Variants in BTBD9 observed in about 807,000 individuals in gnomAD.
BTBD9 encodes the protein BTB domain containing 9.
Under a neutral mutation model 64.3 loss-of-function variants are expected in BTBD9, and 49 were observed. The ratio of observed to expected loss-of-function variants is 0.76; its 90% CI spans 0.61 to 0.97. The LOEUF is 0.97. Among genes scored for constraint, BTBD9 ranks in the 50% least tolerant of loss-of-function variants. The probability of loss-of-function intolerance (pLI) is 0.00; values close to 1 mark genes in which losing one functional copy is unlikely to be tolerated. For missense variants in BTBD9, 598 were observed against 762.1 expected (o/e 0.78, Z 2.53); for synonymous variants, 260 against 274.7 (o/e 0.95, Z 0.53).
rs1392886105 is a variant in BTBD9, at chr6:38,425,117, T to C, written c.1155-80024A>G. ...AGGTGTGAGCCACCGTGCCCGGCCT[T>C]TTTTTTTTTTTTTGAGTGAGAGTCT... On this transcript the variant is annotated intron_variant, in intron 6 of 10. Coordinates refer to ENST00000481247, the MANE Select transcript of BTBD9 (RefSeq NM_001099272.2). Among the ~76,000 whole-genome samples the C allele has an allele frequency of 1.2e-4, 5 of 40,640 alleles. No individual in the cohort carries two copies. The East Asian group carries it at 3.0e-3, about 25-fold the overall frequency. 26.7% of individuals were successfully genotyped at this position (40,640 alleles called of 152,430 possible).
At chr6:38,573,766 C>A (rs1356775900) in intron 6 of BTBD9, among the ~76,000 whole-genome samples, 1 of 152,116 alleles carries the variant, frequency 6.6e-6, no homozygotes, top group Non-Finnish European at 1.5e-5. Flanking sequence ...GCCAAATTAA[C>A]AGCACCATGT....
chr6:38,176,263 G>T (rs1761243935), intron 10 of BTBD9, among the ~76,000 whole-genome samples: 1 of 152,236 alleles, frequency 6.6e-6, no homozygotes, highest in South Asian at 2.1e-4. Context: ...GACAAATGTA[G>T]TATCAACTGC....
At chr6:38,495,638 G>A (rs1362108741) in intron 6 of BTBD9, among the ~76,000 whole-genome samples, 1 of 152,116 alleles carries the variant, frequency 6.6e-6, no homozygotes, top group African/African-American at 2.4e-5. Flanking sequence ...ATACATAATC[G>A]TATTACTTAA....
intron 6 of BTBD9, among the ~76,000 whole-genome samples, chr6:38,383,434 T>C (rs1481972544): frequency 1.3e-5 from 2 of 152,180 alleles, no homozygotes; most frequent in African/African-American, 4.8e-5. Flanking sequence ...GATAGAAGCA[T>C]TCCCTTTAAA....
chr6:38,263,831 A>C (rs1261855247), intron 8 of BTBD9, among the ~76,000 whole-genome samples: 1 of 152,212 alleles, frequency 6.6e-6, no homozygotes, highest in Non-Finnish European at 1.5e-5. Flanking sequence ...TTTGCGGCTT[A>C]ACCTATCTTT....
At chr6:38,275,569 A>G (rs1397959078) in intron 8 of BTBD9, among the ~76,000 whole-genome samples, 75 of 150,302 alleles carry the variant, frequency 5.0e-4, no homozygotes, top group South Asian at 2.5e-3. Context: ...GCAACCTACA[A>G]AATGGGAGAA....
intron 6 of BTBD9, among the ~76,000 whole-genome samples, chr6:38,507,862 C>T (rs1482451488): frequency 7.5e-6 from 1 of 132,864 alleles, no homozygotes; most frequent in Non-Finnish European, 1.5e-5. Context: ...GAGACGGAGT[C>T]TCGCTCTGTC....
At position 38,410,401 on chromosome 6, in the gene BTBD9, A is replaced by G. The variant is rs576453090; in HGVS notation, c.1155-65308T>C. ...GAGGGGAGGATCACTTGAGCCCAGG[A>G]GGCTGGGGCTGCAGTGAGCCGTGAC... On this transcript the variant is annotated intron_variant, in intron 6 of 10. Coordinates refer to ENST00000481247, the MANE Select transcript of BTBD9 (RefSeq NM_001099272.2). Among the ~76,000 whole-genome samples the G allele has an allele frequency of 7.9e-5, 12 of 152,280 alleles. No homozygotes were observed. The South Asian group carries it at 2.1e-3, about 26-fold the overall frequency.
At chr6:38,319,983 G>A (rs1230297737) in intron 7 of BTBD9, among the ~76,000 whole-genome samples, 2 of 152,128 alleles carry the variant, frequency 1.3e-5, no homozygotes, top group African/African-American at 4.8e-5. Flanking sequence ...TGGGATGGGG[G>A]ATCTCCCTCT....
intron 6 of BTBD9, among the ~76,000 whole-genome samples, chr6:38,509,160 G>A (rs997183974): frequency 6.6e-6 from 1 of 152,132 alleles, no homozygotes; most frequent in Non-Finnish European, 1.5e-5. Flanking sequence ...GCATAGTGCT[G>A]ACACATGGAG....
chr6:38,177,918 A>G (rs142794212), intron 10 of BTBD9, among the ~76,000 whole-genome samples: 6 of 152,166 alleles, frequency 3.9e-5, no homozygotes, highest in African/African-American at 9.7e-5. Context: ...ACTCCTAACT[A>G]TCTCTCTCCC....
At chr6:38,532,561 G>A (rs577863680) in intron 6 of BTBD9, among the ~76,000 whole-genome samples, 2 of 152,174 alleles carry the variant, frequency 1.3e-5, no homozygotes, top group East Asian at 3.9e-4. Context: ...GTACCATAAA[G>A]AGGACTTTGT....
chr6:38,179,619 G>C, intron 10 of BTBD9: 1 of 456,672 alleles, frequency 2.2e-6, no homozygotes, highest in Middle Eastern at 3.2e-4. Context: ...TGGGGGCAGA[G>C]GCACCTCTGT....
intron 6 of BTBD9, among the ~76,000 whole-genome samples, chr6:38,450,568 G>C (rs1413019183): frequency 6.6e-6 from 1 of 152,024 alleles, no homozygotes; most frequent in Admixed American, 6.6e-5. Flanking sequence ...AAAAAAAGAA[G>C]ATGATGACAA....
At chr6:38,243,228 G>T (rs1461844520) in intron 9 of BTBD9, among the ~76,000 whole-genome samples, 1 of 152,228 alleles carries the variant, frequency 6.6e-6, no homozygotes, top group African/African-American at 2.4e-5. Flanking sequence ...GAGTCAGAGA[G>T]ATATGGTAAT....
intron 6 of BTBD9, among the ~76,000 whole-genome samples, chr6:38,370,307 C>A (rs892379259): frequency 3.3e-5 from 5 of 152,090 alleles, no homozygotes; most frequent in Admixed American, 2.0e-4. Context: ...CATAAATGTA[C>A]CTCATTTAAA....
At chr6:38,363,780 A>G (rs1765074017) in intron 6 of BTBD9, among the ~76,000 whole-genome samples, 1 of 152,240 alleles carries the variant, frequency 6.6e-6, no homozygotes, top group Non-Finnish European at 1.5e-5. Context: ...AAATTAAGAA[A>G]ATGGTGAAAT....
At chr6:38,559,876 T>G (rs150953400) in intron 6 of BTBD9, among the ~76,000 whole-genome samples, 1 of 152,166 alleles carries the variant, frequency 6.6e-6, no homozygotes, top group Non-Finnish European at 1.5e-5. Flanking sequence ...GCTGGTCATA[T>G]GCAGAAAAAT....
chr6:38,402,242 T>C (rs1766961140), intron 6 of BTBD9, among the ~76,000 whole-genome samples: 1 of 152,194 alleles, frequency 6.6e-6, no homozygotes, highest in African/African-American at 2.4e-5. Context: ...TTAAAAGATT[T>C]AATATGTTAA....
Sources: gnomAD v4.1 joint callset for allele counts (sites outside exome capture counted in the v4.1 genomes callset) on GRCh38, gnomAD v4.1.1 for gene constraint, MANE v1.5 for transcripts, NCBI Gene and HGNC (gene_info 2026-07-23, HGNC 2026-07-21) for gene names.